Variants in ARHGDIB observed in about 807,000 individuals in gnomAD.
The protein encoded by ARHGDIB is rho GDP-dissociation inhibitor 2.
A neutral mutation model predicts 22.6 loss-of-function variants in ARHGDIB; 20 were observed. The observed-to-expected ratio is 0.88, with a 90% CI of 0.62 to 1.28. ARHGDIB has a LOEUF of 1.28. ARHGDIB is among the 50% of genes most tolerant of loss of function. The pLI, the probability that ARHGDIB is intolerant of heterozygous loss-of-function variation, is 0.00. For synonymous variants in ARHGDIB, 114 were observed against 96.1 expected (o/e 1.19, Z -1.09); for missense variants, 254 against 245.4 (o/e 1.04, Z -0.23).
At position 14,942,486 on chromosome 12, in the gene ARHGDIB, T is replaced by C; in HGVS notation, c.*36A>G. The C allele has an allele frequency of 6.2e-7, 1 of 1,611,548 alleles. No individual in the cohort carries two copies. Among genetic ancestry groups the C allele is most frequent in the Non-Finnish European group, 8.5e-7 (1 of 1,178,438 alleles). On this transcript the variant is annotated 3_prime_UTR_variant, in exon 6 of 6. Transcript: ENST00000228945. ...TGCTGAACACGCCTGAGAGAATTCT[T>C]CCAGGTGGCAAGGGTGGGGAAAGGG...
chr12:14,944,922 G>T, intron 4 of ARHGDIB, 83 bp from the exon 5 acceptor site: 1 of 1,215,282 alleles, frequency 8.2e-7, no homozygotes, highest in Non-Finnish European at 1.2e-6. Context: ...CTGCCTAGCT[G>T]AATCGTCTCT....
rs746754433 is a variant in ARHGDIB at position 14,942,674 on chromosome 12, C to T, written c.454G>A (p.Glu152Lys). The change falls in exon 6 of 6, where the codon GAG becomes AAG. Residue 152 changes from glutamate (E) to lysine (K), a missense_variant. By Grantham distance (56) the Glu-to-Lys change is moderately conservative. Coordinates refer to ENST00000228945, the MANE Select transcript of ARHGDIB (RefSeq NM_001175.7). ...TCAACTGGAGTGAGGAACTCATACT[C>T]CTCAGGCCGAGGTCCATAGCTGCCA... The part of the protein sequence containing the change: ...MVGSYGPRPE[E>K]YEFLTPVEEA... 2 of 1,614,000 alleles carry T rather than the reference C, an allele frequency of 1.2e-6. No individual in the cohort carries two copies. The highest frequency in any genetic ancestry group is 2.7e-5 in the African/African-American group (2 of 74,896).
chr12:14,943,133 A>C (rs1314677649), intron 5 of ARHGDIB, among the ~76,000 whole-genome samples: 1 of 152,104 alleles, frequency 6.6e-6, no homozygotes, highest in Non-Finnish European at 1.5e-5. Flanking sequence ...CTCCCAAAGT[A>C]CTGGGATTAC....
intron 1 of ARHGDIB, among the ~76,000 whole-genome samples, chr12:14,955,920 TGTA>T (rs1398528097): frequency 2.6e-5 from 4 of 152,210 alleles, no homozygotes; most frequent in African/African-American, 9.6e-5. Flanking sequence ...AGTTATCACA[TGTA>T]GTGCTAAGTG....
intron 4 of ARHGDIB, 125 bp downstream of exon 4, chr12:14,947,748 C>A: frequency 1.2e-6 from 1 of 804,486 alleles, no homozygotes; most frequent in South Asian, 1.6e-5. Context: ...ACATTCCAGA[C>A]CCAGCTTGGG....
chr12:14,942,361 AG>A lies in ARHGDIB; in HGVS notation c.*160del, dbSNP rs1416332527. On this transcript the variant is annotated 3_prime_UTR_variant, in exon 6 of 6. Coordinates refer to ENST00000228945, the MANE Select transcript of ARHGDIB (RefSeq NM_001175.7). ...AGCCCGGTTTTAAGCCTCTTGTTCT[AG>A]GGACCACGTTGAGTGACAGGGTGGG... 1.3e-5 allele frequency: 10 copies of A among 780,880 alleles called. No homozygotes were observed. The highest frequency in any genetic ancestry group is 1.7e-5 in the African/African-American group (1 of 58,136). 48.4% of individuals were successfully genotyped at this position (780,880 alleles called of 1,614,324 possible).
At position 14,943,689 on chromosome 12, in the gene ARHGDIB, C is replaced by G. The variant is rs113185177; in HGVS notation, c.407-968G>C. 8.1e-3 allele frequency among the ~76,000 whole-genome samples: 1,227 copies of G among 151,918 alleles called. 14 individuals carry two copies. The highest frequency in any genetic ancestry group is 0.029 in the African/African-American group (1,186 of 41,436). Reference sequence around the variant, plus strand: ...AGTTGGTAAAAAAAAAAGTGAAGAACTAGGACAAATGGTGAAAATAGCCAA... The same window carrying G: ...AGTTGGTAAAAAAAAAAGTGAAGAAGTAGGACAAATGGTGAAAATAGCCAA... On this transcript the variant is annotated intron_variant, in intron 5 of 5. Coordinates refer to ENST00000228945, the MANE Select transcript of ARHGDIB (RefSeq NM_001175.7).
intron 3 of ARHGDIB, 64 bp from the exon 4 acceptor site, chr12:14,948,013 T>G (rs1403704837): frequency 1.4e-6 from 2 of 1,424,342 alleles, no homozygotes; most frequent in African/African-American, 2.8e-5. Context: ...ATAAATGACT[T>G]TTAAGTCCCG....
chr12:14,947,705 T>C, intron 4 of ARHGDIB, 168 bp downstream of exon 4: 1 of 594,956 alleles, frequency 1.7e-6, no homozygotes, highest in Admixed American at 3.0e-5. Context: ...CAAACGTGGG[T>C]CTCAACAGGT....
At chr12:14,953,668 A>G (rs1041369971) in intron 1 of ARHGDIB, among the ~76,000 whole-genome samples, 2 of 152,148 alleles carry the variant, frequency 1.3e-5, no homozygotes, top group African/African-American at 4.8e-5. Flanking sequence ...GACATTGTGC[A>G]TATGATCCAG....
At chr12:14,949,703 T>C (rs970111852) in intron 3 of ARHGDIB, 99 bp downstream of exon 3, 42 of 1,049,128 alleles carry the variant, frequency 4.0e-5, no homozygotes, top group Non-Finnish European at 5.9e-5. Context: ...TATATCTCTC[T>C]GATTCACCAG....
At chr12:14,957,223 A>T (rs1254153680) in intron 1 of ARHGDIB, among the ~76,000 whole-genome samples, 1 of 152,158 alleles carries the variant, frequency 6.6e-6, no homozygotes, top group African/African-American at 2.4e-5. Flanking sequence ...TAAAATGGGG[A>T]TATTCTTTTT....
chr12:14,949,150 T>A (rs887494041), intron 3 of ARHGDIB, among the ~76,000 whole-genome samples: 10 of 152,140 alleles, frequency 6.6e-5, no homozygotes, highest in Non-Finnish European at 1.5e-4. Flanking sequence ...CCTGGCTCCG[T>A]GCTTCTCCTC....
intron 3 of ARHGDIB, chr12:14,948,800 C>A (rs1864092736): frequency 6.6e-6 from 1 of 152,214 alleles, no homozygotes; most frequent in Admixed American, 6.6e-5. Flanking sequence ...GCAGCTGTAC[C>A]TGGTAATATT....
At chr12:14,946,623 A>G (rs950822795) in intron 4 of ARHGDIB, among the ~76,000 whole-genome samples, 2 of 152,066 alleles carry the variant, frequency 1.3e-5, no homozygotes, top group Non-Finnish European at 2.9e-5. Context: ...CTCCTGCATC[A>G]TCCTAATGTG....
intron 5 of ARHGDIB, among the ~76,000 whole-genome samples, chr12:14,944,020 T>A (rs1351298727): frequency 6.6e-6 from 1 of 152,002 alleles, no homozygotes; most frequent in Non-Finnish European, 1.5e-5. Context: ...GTCATCCAGA[T>A]TTATCAGACA....
intron 1 of ARHGDIB, among the ~76,000 whole-genome samples, chr12:14,952,486 C>T (rs74518716): frequency 0.015 from 2,240 of 152,218 alleles, 45 homozygotes; most frequent in African/African-American, 0.049. Context: ...AACAGCACCA[C>T]TCAAAGATGA....
intron 2 of ARHGDIB, 37 bp from the exon 3 acceptor site, chr12:14,949,922 G>C: frequency 1.3e-6 from 2 of 1,581,326 alleles, no homozygotes; most frequent in African/African-American, 1.3e-5. Context: ...ACCAAGAAGA[G>C]ACATGTGTAT....
chr12:14,942,524 A>C lies in ARHGDIB; in HGVS notation c.604T>G (p.Ter202GlyextTer59), dbSNP rs1437333893. 6.2e-7 allele frequency: 1 copy of C among 1,613,970 alleles called. No homozygotes were observed. Among genetic ancestry groups the C allele is most frequent in the African/African-American group, 1.3e-5 (1 of 74,926 alleles). Residue 202 changes from the stop codon to glycine (G), a stop_lost, in exon 6 of 6, where the codon TGA becomes GGA. Coordinates refer to ENST00000228945, the MANE Select transcript of ARHGDIB (RefSeq NM_001175.7). Reference protein sequence around the residue: ...NLSIKKEWTE* With the variant: ...NLSIKKEWTEG ...GGTGGGGAAAGGGGTGGATGCATTC[A>C]TTCTGTCCACTCCTTCTTAATCGAC...
Sources: gnomAD v4.1 joint callset for allele counts (sites outside exome capture counted in the v4.1 genomes callset) on GRCh38, gnomAD v4.1.1 for gene constraint, MANE v1.5 for transcripts, NCBI Gene and HGNC (gene_info 2026-07-23, HGNC 2026-07-21) for gene names.